Variants in CNTNAP5 observed in about 807,000 individuals in gnomAD.
CNTNAP5 encodes the protein contactin-associated protein-like 5.
CNTNAP5 carries 72 observed loss-of-function variants against 150.2 expected under a neutral mutation model. The ratio of observed to expected loss-of-function variants is 0.48; its 90% CI spans 0.40 to 0.58. The LOEUF is 0.58. Ranked by LOEUF, CNTNAP5 falls within the 20% of genes least tolerant of loss-of-function variation. CNTNAP5 has a pLI of 0.00. For synonymous variants in CNTNAP5, 672 were observed against 619.8 expected, an observed-to-expected ratio of 1.08 and a Z score of -1.25; for missense variants, 1,636 against 1,626.2, an observed-to-expected ratio of 1.01 and a Z score of -0.10.
At chr2:124,797,329 C>G (rs1411981046) in intron 18 of CNTNAP5, among the ~76,000 whole-genome samples, 2 of 152,158 alleles carry the variant, frequency 1.3e-5, no homozygotes, top group Non-Finnish European at 2.9e-5. Context: ...ACATATCCCA[C>G]TAAATGAATT....
At chr2:124,199,934 C>T (rs1183807279) in intron 1 of CNTNAP5, among the ~76,000 whole-genome samples, 1 of 152,152 alleles carries the variant, frequency 6.6e-6, no homozygotes, top group East Asian at 1.9e-4. Flanking sequence ...AGTTACACTT[C>T]CTGCTTTCCA....
chr2:124,896,572 CTT>C (rs946831178), intron 21 of CNTNAP5, among the ~76,000 whole-genome samples: 7 of 151,076 alleles, frequency 4.6e-5, no homozygotes, highest in African/African-American at 1.7e-4. Context: ...CAATTTTGCT[CTT>C]GTCACCCAGG....
At chr2:124,780,368 C>T (rs574865520) in intron 17 of CNTNAP5, among the ~76,000 whole-genome samples, 9 of 152,296 alleles carry the variant, frequency 5.9e-5, no homozygotes, top group Admixed American at 5.2e-4. Context: ...GGTGTAATGG[C>T]TCCAGGGGGA....
intron 3 of CNTNAP5, among the ~76,000 whole-genome samples, chr2:124,403,484 T>C (rs1368842542): frequency 2.6e-5 from 4 of 152,346 alleles, no homozygotes; most frequent in Non-Finnish European, 5.9e-5. Flanking sequence ...CACCCAGTTA[T>C]TCAGCAAGTC....
chr2:124,443,236 TTATA>T (rs1692720311), intron 5 of CNTNAP5, among the ~76,000 whole-genome samples: 1 of 148,898 alleles, frequency 6.7e-6, no homozygotes, highest in African/African-American at 2.4e-5. Flanking sequence ...ATATATATGA[TTATA>T]TATTATTTAT....
intron 13 of CNTNAP5, among the ~76,000 whole-genome samples, chr2:124,719,958 G>T (rs769623629): frequency 6.6e-6 from 1 of 152,088 alleles, no homozygotes; most frequent in African/African-American, 2.4e-5. Flanking sequence ...GATGATTTCC[G>T]TGGGGAAAGC....
intron 3 of CNTNAP5, among the ~76,000 whole-genome samples, chr2:124,351,912 A>G (rs1299122469): frequency 6.6e-6 from 1 of 152,206 alleles, no homozygotes; most frequent in Non-Finnish European, 1.5e-5. Flanking sequence ...ATGGAGGAGT[A>G]AAAAGGTAAA....
At chr2:124,640,351 C>T (rs967577770) in intron 12 of CNTNAP5, among the ~76,000 whole-genome samples, 2 of 152,176 alleles carry the variant, frequency 1.3e-5, no homozygotes, top group African/African-American at 4.8e-5. Flanking sequence ...GTCTGGAAGT[C>T]GTAAAGTGTG....
At position 124,128,305 on chromosome 2, in the gene CNTNAP5, G is replaced by A. The variant is rs186761837; in HGVS notation, c.83-93400G>A. Among the ~76,000 whole-genome samples the A allele has an allele frequency of 3.5e-3, 529 of 152,132 alleles. 4 individuals are homozygous for A. The highest frequency in any genetic ancestry group is 0.012 in the African/African-American group (516 of 41,516). ...ACATTTATGCAGCCAACAGACACAC[G>A]AAAAAATGCTCATCATCACTGGCCG... On this transcript the variant is annotated intron_variant, in intron 1 of 23. Transcript: ENST00000682447.
chr2:124,468,794 C>T (rs950278672), intron 6 of CNTNAP5, among the ~76,000 whole-genome samples: 6 of 152,176 alleles, frequency 3.9e-5, no homozygotes, highest in Non-Finnish European at 7.4e-5. Context: ...TCAACCTGCT[C>T]TTCTGGTCCT....
chr2:124,266,065 C>A (rs1687599168), intron 3 of CNTNAP5, among the ~76,000 whole-genome samples: 1 of 152,148 alleles, frequency 6.6e-6, no homozygotes, highest in Admixed American at 6.6e-5. Context: ...GTTGCTTAAT[C>A]TTGCCAAAGC....
chr2:124,411,284 A>T (rs984966930), intron 3 of CNTNAP5, among the ~76,000 whole-genome samples: 5 of 152,300 alleles, frequency 3.3e-5, no homozygotes, highest in African/African-American at 1.2e-4. Context: ...TTCACAGCCA[A>T]ATTCTATCAG....
chr2:124,310,518 T>A (rs1222782311), intron 3 of CNTNAP5, among the ~76,000 whole-genome samples: 5 of 152,140 alleles, frequency 3.3e-5, no homozygotes, highest in African/African-American at 1.2e-4. Context: ...AATGCCCCCT[T>A]TCCCGTGCCC....
At chr2:124,739,329 C>T (rs1680452872) in intron 13 of CNTNAP5, among the ~76,000 whole-genome samples, 1 of 152,104 alleles carries the variant, frequency 6.6e-6, no homozygotes, top group South Asian at 2.1e-4. Flanking sequence ...TGAGTGCCTG[C>T]CATTATTTTC....
chr2:124,244,119 A>T lies in CNTNAP5; in HGVS notation c.381+1726A>T, dbSNP rs72962845. ...TTTAATCATGAGTTTCATCTTCTTT[A>T]GAACCAAATAATCTACTTTCAGCTT... On this transcript the variant is annotated intron_variant, in intron 3 of 23. Transcript: ENST00000682447. Among the ~76,000 whole-genome samples, 1,272 of 152,150 alleles carry T rather than the reference A, an allele frequency of 8.4e-3. 17 individuals are homozygous for T. The highest frequency in any genetic ancestry group is 0.029 in the African/African-American group (1,207 of 41,514).
At chr2:124,715,658 G>A (rs1306667053) in intron 13 of CNTNAP5, among the ~76,000 whole-genome samples, 5 of 152,080 alleles carry the variant, frequency 3.3e-5, no homozygotes, top group African/African-American at 9.7e-5. Flanking sequence ...TAAGGAACAT[G>A]TATCATTTCC....
At chr2:124,061,809 C>A (rs186652413) in intron 1 of CNTNAP5, among the ~76,000 whole-genome samples, 1 of 152,296 alleles carries the variant, frequency 6.6e-6, no homozygotes, top group African/African-American at 2.4e-5. Context: ...CTCTTCTCAA[C>A]CTGCTATTTC....
At chr2:124,676,758 G>A (rs548815362) in intron 13 of CNTNAP5, among the ~76,000 whole-genome samples, 3 of 152,204 alleles carry the variant, frequency 2.0e-5, no homozygotes, top group African/African-American at 4.8e-5. Flanking sequence ...GCAAGTTAAA[G>A]CACCATAATA....
chr2:124,399,856 T>A (rs531444257), intron 3 of CNTNAP5, among the ~76,000 whole-genome samples: 2 of 152,262 alleles, frequency 1.3e-5, no homozygotes, highest in African/African-American at 4.8e-5. Flanking sequence ...CTTTATTATT[T>A]GCCTCTCTGA....
Sources: allele counts gnomAD v4.1 joint callset (sites outside exome capture counted in the v4.1 genomes callset), GRCh38; gene constraint gnomAD v4.1.1; transcripts MANE v1.5; gene names NCBI Gene and HGNC (gene_info 2026-07-23, HGNC 2026-07-21).